Variants in SDCCAG8 observed in about 807,000 individuals in gnomAD.
SDCCAG8 encodes the protein SHH signaling and ciliogenesis regulator SDCCAG8, also known as serologically defined colon cancer antigen 8.
A neutral mutation model predicts 101.8 loss-of-function variants in SDCCAG8; 74 were observed. The observed-to-expected ratio is 0.73, with a 90% CI of 0.60 to 0.88. The LOEUF (loss-of-function observed/expected upper bound fraction) is 0.88. SDCCAG8 is among the 40% of genes least tolerant of loss of function. The pLI is 0.00. For missense variants in SDCCAG8, 787 were observed against 822.6 expected, an observed-to-expected ratio of 0.96 and a Z score of 0.53; for synonymous variants, 281 against 292.9, an observed-to-expected ratio of 0.96 and a Z score of 0.41.
At chr1:243,290,976 G>A (rs2070192117) in intron 5 of SDCCAG8, among the ~76,000 whole-genome samples, 1 of 152,126 alleles carries the variant, frequency 6.6e-6, no homozygotes, top group African/African-American at 2.4e-5. Context: ...CAAGCTCTTA[G>A]CACAGTGTCT....
Position 243,416,707 on chromosome 1 carries a change from A to G in SDCCAG8, c.1744+878A>G, listed in dbSNP as rs1413423081. On this transcript the variant is annotated intron_variant, in intron 14 of 17. Transcript: ENST00000366541. This position sits in a 1 kb window ranked among gnomAD's most constrained non-coding sequence, Gnocchi z 4.3. ...GTCAGAGCATTATGTAGTTTCTTTC[A>G]CTTTTGAGTTGTGTGTTCACAGACA... Among the ~76,000 whole-genome samples, 2 of 152,170 alleles carry G rather than the reference A, an allele frequency of 1.3e-5. No homozygotes were observed. The highest frequency in any genetic ancestry group is 4.8e-5 in the African/African-American group (2 of 41,460).
At chr1:243,429,150 T>C (rs1017594631) in intron 16 of SDCCAG8, among the ~76,000 whole-genome samples, 1 of 152,226 alleles carries the variant, frequency 6.6e-6, no homozygotes, top group Non-Finnish European at 1.5e-5. Context: ...AGTTTGCAGC[T>C]GCAGCCGCCT....
chr1:243,307,759 C>T (rs1189762890), intron 7 of SDCCAG8: 1 of 1,422,468 alleles, frequency 7.0e-7, no homozygotes, highest in African/African-American at 1.4e-5. Context: ...CTTACAAGAA[C>T]CTAAGCTAAT....
chr1:243,325,361 T>C (rs1342235514), intron 9 of SDCCAG8, among the ~76,000 whole-genome samples: 1 of 152,136 alleles, frequency 6.6e-6, no homozygotes, highest in Non-Finnish European at 1.5e-5. Context: ...ATCTAGAAGG[T>C]ATGTTGAAAC....
chr1:243,482,992 C>T (rs1164797429), intron 16 of SDCCAG8, among the ~76,000 whole-genome samples: 1 of 152,158 alleles, frequency 6.6e-6, no homozygotes, highest in Non-Finnish European at 1.5e-5. Flanking sequence ...TCCGCGGGCC[C>T]CATGATGGCA....
chr1:243,291,739 T>C (rs1316682705), intron 5 of SDCCAG8, among the ~76,000 whole-genome samples: 1 of 152,184 alleles, frequency 6.6e-6, no homozygotes. Flanking sequence ...TCTCTGTAGA[T>C]ACCAACTAGG....
intron 12 of SDCCAG8, among the ~76,000 whole-genome samples, chr1:243,372,897 CATATCTATATCTATATCTATATCT>C (rs71981276): frequency 1.4e-4 from 20 of 138,494 alleles, no homozygotes; most frequent in African/African-American, 5.0e-4. Flanking sequence ...ACTTGGGAAC[CATATCTATATCTATATCTATATCT>C]ATATCTATAT....
In SDCCAG8 at chr1:243,314,401, G is replaced by A. The variant is rs1429168101; in HGVS notation, c.930-2354G>A. 7.2e-5 allele frequency among the ~76,000 whole-genome samples: 11 copies of A among 152,206 alleles called. No individual in the cohort carries two copies. The East Asian group carries it at 1.7e-3, about 24-fold the overall frequency. On this transcript the variant is annotated intron_variant, in intron 8 of 17. Transcript: ENST00000366541. The stretch of plus-strand genomic sequence containing the variant: ...TTCTGAAACACTTTTGAACCAGAAC[G>A]ACTGAACTCTAGTTTCTAATTCAAA...
intron 12 of SDCCAG8, among the ~76,000 whole-genome samples, chr1:243,377,236 T>A (rs933950822): frequency 6.6e-6 from 1 of 152,134 alleles, no homozygotes; most frequent in East Asian, 1.9e-4. Flanking sequence ...AATAAATTTT[T>A]GAAGTTTTAA....
Position 243,361,433 on chromosome 1 carries a change from C to T in SDCCAG8, c.1473+17102C>T, listed in dbSNP as rs968415140. ...TCTTTATTCATACTCAACACATTTG[C>T]GAAAGCAAAACGTGAATTGCATTGC... On this transcript the variant is annotated intron_variant, in intron 12 of 17. Transcript: ENST00000366541. Among the ~76,000 whole-genome samples, 7 of 152,340 alleles carry T rather than the reference C, an allele frequency of 4.6e-5. No individual in the cohort carries two copies. In the East Asian group the frequency reaches 5.8e-4, roughly 13 times the overall value.
chr1:243,347,485 C>T (rs2075787863), intron 12 of SDCCAG8, among the ~76,000 whole-genome samples: 1 of 152,132 alleles, frequency 6.6e-6, no homozygotes, highest in African/African-American at 2.4e-5. Flanking sequence ...AAACAGAACT[C>T]TTAGTAAAAT....
intron 11 of SDCCAG8, among the ~76,000 whole-genome samples, chr1:243,341,519 A>G (rs1400360469): frequency 1.3e-5 from 2 of 152,250 alleles, no homozygotes; most frequent in African/African-American, 4.8e-5. Context: ...ATTAATTAAG[A>G]GTGCTTTGTT....
intron 15 of SDCCAG8, among the ~76,000 whole-genome samples, chr1:243,421,720 A>C (rs2081020630): frequency 6.6e-6 from 1 of 152,074 alleles, no homozygotes; most frequent in South Asian, 2.1e-4. Flanking sequence ...TTTTGCTTTT[A>C]ATTGGCACCA....
At chr1:243,456,052 G>A (rs2083723973) in intron 16 of SDCCAG8, among the ~76,000 whole-genome samples, 1 of 152,190 alleles carries the variant, frequency 6.6e-6, no homozygotes, top group Non-Finnish European at 1.5e-5. Flanking sequence ...GGCTGTGGGA[G>A]CTCAGAGCAT....
intron 8 of SDCCAG8, among the ~76,000 whole-genome samples, chr1:243,310,053 G>T (rs191208300): frequency 6.6e-6 from 1 of 151,980 alleles, no homozygotes; most frequent in East Asian, 1.9e-4. Context: ...TAGTAAAGAC[G>T]GGGTTTCACC....
intron 16 of SDCCAG8, among the ~76,000 whole-genome samples, chr1:243,461,674 C>T (rs1244019034): frequency 6.6e-6 from 1 of 152,188 alleles, no homozygotes; most frequent in Non-Finnish European, 1.5e-5. Context: ...TTTGTTACCA[C>T]TGAGGCAGTC....
chr1:243,358,060 AG>A (rs2076487364), intron 12 of SDCCAG8, among the ~76,000 whole-genome samples: 1 of 152,186 alleles, frequency 6.6e-6, no homozygotes, highest in African/African-American at 2.4e-5. Context: ...TGATGCCAAA[AG>A]CACAAAGAAC....
intron 13 of SDCCAG8, among the ~76,000 whole-genome samples, chr1:243,382,682 G>T (rs1305833701): frequency 2.0e-5 from 3 of 152,158 alleles, no homozygotes; most frequent in African/African-American, 7.2e-5. Context: ...TTTAAAGAAG[G>T]TAATTGAAGA....
intron 16 of SDCCAG8, among the ~76,000 whole-genome samples, chr1:243,436,355 T>A (rs1358785374): frequency 2.0e-5 from 3 of 152,142 alleles, no homozygotes; most frequent in Non-Finnish European, 2.9e-5. Flanking sequence ...TCTATAAATT[T>A]TATAGTTTCG....
Sources: allele counts gnomAD v4.1 joint callset (sites outside exome capture counted in the v4.1 genomes callset), GRCh38; gene constraint gnomAD v4.1.1; non-coding constraint Gnocchi (gnomAD v3.1); transcripts MANE v1.5; gene names NCBI Gene and HGNC (gene_info 2026-07-23, HGNC 2026-07-21).